DOCK3: variants seen among roughly 807,000 people sequenced by gnomAD.
DOCK3 encodes the protein dedicator of cytokinesis 3, also known as dedicator of cytokinesis protein 3.
DOCK3 carries 60 observed loss-of-function variants against 265.6 expected under a neutral mutation model. That is an observed-to-expected ratio of 0.23 (90% CI 0.18 to 0.28). The LOEUF (loss-of-function observed/expected upper bound fraction) is 0.28, where lower values mean the gene tolerates loss of function less well. Among genes scored for constraint, DOCK3 ranks in the 10% least tolerant of loss-of-function variants. The pLI, the probability that DOCK3 is intolerant of heterozygous loss-of-function variation, is 1.00. For missense variants in DOCK3, 1,981 were observed against 2,594.3 expected (o/e 0.76, Z 5.14); for synonymous variants, 881 against 938.0 (o/e 0.94, Z 1.11).
chr3:50,858,884 C>G (rs1386999597), intron 3 of DOCK3, among the ~76,000 whole-genome samples: 1 of 151,778 alleles, frequency 6.6e-6, no homozygotes, highest in South Asian at 2.1e-4. Context: ...TTTTCTCTGT[C>G]TTATTTTAGA....
At chr3:51,355,216 G>A (rs565857101) in intron 41 of DOCK3, among the ~76,000 whole-genome samples, 193 bp downstream of exon 41, 2 of 152,206 alleles carry the variant, frequency 1.3e-5, no homozygotes, top group Admixed American at 6.5e-5. Context: ...GCAGTGGCAC[G>A]CCCTTAGCAG....
chr3:50,764,781 C>G (rs775536384), intron 1 of DOCK3, among the ~76,000 whole-genome samples: 1 of 152,040 alleles, frequency 6.6e-6, no homozygotes, highest in Non-Finnish European at 1.5e-5. Context: ...GACCCCATCT[C>G]TTAAAAATTT....
intron 3 of DOCK3, among the ~76,000 whole-genome samples, chr3:50,888,383 A>G (rs2048453702): frequency 6.6e-6 from 1 of 152,204 alleles, no homozygotes; most frequent in Non-Finnish European, 1.5e-5. Flanking sequence ...ATGGAAAAAC[A>G]TTCCATGCTC....
chr3:51,298,894 A>T (rs1163505509), intron 27 of DOCK3, among the ~76,000 whole-genome samples: 1 of 151,930 alleles, frequency 6.6e-6, no homozygotes, highest in Non-Finnish European at 1.5e-5. Context: ...TATCTTTGTA[A>T]TATGTAATAG....
chr3:51,219,815 G>T (rs1452347864), intron 14 of DOCK3, among the ~76,000 whole-genome samples: 1 of 152,190 alleles, frequency 6.6e-6, no homozygotes. Flanking sequence ...AGTGTCAAAT[G>T]AGGCTATGGC....
At chr3:51,278,461 G>A (rs2080934831) in intron 26 of DOCK3, 1 of 985,346 alleles carries the variant, frequency 1.0e-6, no homozygotes, top group East Asian at 1.1e-4. Flanking sequence ...TGATCTCTCT[G>A]AAGAAAACCC....
At chr3:50,734,460 C>T (rs1378359246) in intron 1 of DOCK3, among the ~76,000 whole-genome samples, 1 of 152,086 alleles carries the variant, frequency 6.6e-6, no homozygotes, top group Non-Finnish European at 1.5e-5. Context: ...CATGATTGTG[C>T]CATTGCACTC....
chr3:51,049,713 A>G (rs2080916248), intron 5 of DOCK3, among the ~76,000 whole-genome samples: 1 of 152,142 alleles, frequency 6.6e-6, no homozygotes, highest in African/African-American at 2.4e-5. Context: ...AATAAAAGGC[A>G]TTCACATAAG....
At chr3:51,051,366 C>T (rs2080987296) in intron 5 of DOCK3, among the ~76,000 whole-genome samples, 2 of 152,194 alleles carry the variant, frequency 1.3e-5, no homozygotes, top group African/African-American at 4.8e-5. Context: ...TATTTGGAAA[C>T]ACAACTAGAA....
At chr3:51,208,948 C>G (rs1375494889) in intron 13 of DOCK3, 86 bp downstream of exon 13, 1 of 1,146,990 alleles carries the variant, frequency 8.7e-7, no homozygotes, top group Non-Finnish European at 1.3e-6. Context: ...TGCAGATTGG[C>G]TGCTGTATTC....
chr3:51,240,169 A>T (rs989634477), intron 21 of DOCK3, among the ~76,000 whole-genome samples: 1 of 152,164 alleles, frequency 6.6e-6, no homozygotes, highest in African/African-American at 2.4e-5. Flanking sequence ...AGTTTCAAAG[A>T]ACTTGTTGAT....
rs151170372 is a variant in DOCK3, at chr3:51,029,753, G to A, written c.316-34695G>A. Among the ~76,000 whole-genome samples the A allele has an allele frequency of 7.3e-3, 1,112 of 152,286 alleles. 7 individuals carry two copies. The highest frequency in any genetic ancestry group is 0.01 in the African/African-American group (430 of 41,558). ...GCTTGCCAGAGTCAGAGTGGGTTGT[G>A]GGGTATGTCTGCTGGTGGTCTAAGG... is the stretch of plus-strand genomic sequence containing the variant. On this transcript the variant is annotated intron_variant, in intron 5 of 52. Transcript: ENST00000266037.
At chr3:51,005,562 G>C (rs1374615743) in intron 5 of DOCK3, among the ~76,000 whole-genome samples, 1 of 152,106 alleles carries the variant, frequency 6.6e-6, no homozygotes, top group Non-Finnish European at 1.5e-5. Context: ...TATTGTATCA[G>C]CAAAATGATT....
At chr3:50,786,977 A>G (rs780292661) in intron 2 of DOCK3, 31 of 742,980 alleles carry the variant, frequency 4.2e-5, no homozygotes, top group South Asian at 2.3e-4. Flanking sequence ...GTGTGCAACC[A>G]TGTGTTTTCG....
intron 4 of DOCK3, among the ~76,000 whole-genome samples, chr3:50,894,601 T>C (rs994076890): frequency 6.6e-6 from 1 of 152,118 alleles, no homozygotes; most frequent in Non-Finnish European, 1.5e-5. Context: ...AGTATATAAA[T>C]AATTTTAGTA....
At chr3:51,248,337 C>G (rs546855007) in intron 22 of DOCK3, among the ~76,000 whole-genome samples, 1 of 152,240 alleles carries the variant, frequency 6.6e-6, no homozygotes, top group African/African-American at 2.4e-5. Flanking sequence ...CAATTGCAGG[C>G]GCGCGCTGCC....
At chr3:51,368,077 G>A (rs1322313722) in intron 49 of DOCK3, among the ~76,000 whole-genome samples, 1 of 152,198 alleles carries the variant, frequency 6.6e-6, no homozygotes, top group Non-Finnish European at 1.5e-5. Context: ...ATAATATCCT[G>A]AAGAGTGTTT....
intron 9 of DOCK3, among the ~76,000 whole-genome samples, chr3:51,121,422 G>A (rs1198076715): frequency 2.0e-5 from 3 of 152,164 alleles, no homozygotes; most frequent in Non-Finnish European, 2.9e-5. Flanking sequence ...CTGCAGACTG[G>A]AGCTTTTCCT....
intron 4 of DOCK3, among the ~76,000 whole-genome samples, chr3:50,920,719 T>G (rs2050404456): frequency 6.6e-6 from 1 of 152,242 alleles, no homozygotes; most frequent in Non-Finnish European, 1.5e-5. Context: ...TTATTGATTT[T>G]TTGAAGGGTT....
Sources: gnomAD v4.1 joint callset for allele counts (sites outside exome capture counted in the v4.1 genomes callset) on GRCh38, gnomAD v4.1.1 for gene constraint, MANE v1.5 for transcripts, NCBI Gene and HGNC (gene_info 2026-07-23, HGNC 2026-07-21) for gene names.